The following TM9SF2 variants were observed in gnomAD, a reference collection of about 807,000 sequenced individuals.
The protein encoded by TM9SF2 is 76 kDa membrane protein.
In TM9SF2, 13 loss-of-function variants were observed where a neutral mutation model predicts 84.9. The observed-to-expected ratio is 0.15, with a 90% confidence interval of 0.10 to 0.24. The LOEUF is 0.24. TM9SF2 is among the 10% of genes least tolerant of loss of function. The pLI is 1.00. For missense variants in TM9SF2, 562 were observed against 818.5 expected (o/e 0.69, Z 3.82); for synonymous variants, 273 against 285.8 (o/e 0.96, Z 0.45).
rs924710348 is a variant in TM9SF2, at chr13:99,531,205, G to C, written c.461+1611G>C. Among the ~76,000 whole-genome samples the C allele has an allele frequency of 4.8e-4, 73 of 152,144 alleles. 2 individuals carry two copies. The highest frequency in any genetic ancestry group is 2.9e-5 in the Non-Finnish European group (2 of 68,026). The stretch of plus-strand genomic sequence containing the variant: ...AGACTTTCAAAATCCAACATTTGAA[G>C]TATAACCATTGCTATTCTTCTGAGT... On this transcript the variant is annotated intron_variant, in intron 4 of 16. Transcript: ENST00000376387.
chr13:99,502,543 C>T (rs1374702189), intron 1 of TM9SF2, among the ~76,000 whole-genome samples: 1 of 152,088 alleles, frequency 6.6e-6, no homozygotes, highest in Admixed American at 6.5e-5. Context: ...TGGTGTTTTC[C>T]TAGGGCAAGT....
chr13:99,551,935 G>C (rs572514090), intron 12 of TM9SF2, among the ~76,000 whole-genome samples: 1 of 152,326 alleles, frequency 6.6e-6, no homozygotes, highest in South Asian at 2.1e-4. Context: ...ATGAAAACAT[G>C]TAAGGAACTG....
intron 14 of TM9SF2, 42 bp downstream of exon 14, chr13:99,554,497 A>G (rs748711991): frequency 5.7e-6 from 9 of 1,581,968 alleles, no homozygotes; most frequent in Non-Finnish European, 6.0e-6. Context: ...TTACCATTAT[A>G]TGTAATATTT....
chr13:99,539,332 A>G (rs1009358165), intron 6 of TM9SF2, 114 bp from the exon 7 acceptor site: 1 of 697,082 alleles, frequency 1.4e-6, no homozygotes, highest in African/African-American at 1.8e-5. Flanking sequence ...TGTGACATGA[A>G]TAATTTCACC....
At chr13:99,549,112 T>C (rs766393030) in intron 11 of TM9SF2, 53 bp from the exon 12 acceptor site, 38 of 1,503,256 alleles carry the variant, frequency 2.5e-5, no homozygotes, top group East Asian at 1.4e-4. Context: ...TATGGATATT[T>C]GGTTTGCTTT....
At chr13:99,528,999 T>G (rs2046196137) in intron 3 of TM9SF2, among the ~76,000 whole-genome samples, 2 of 152,182 alleles carry the variant, frequency 1.3e-5, no homozygotes, top group Admixed American at 1.3e-4. Context: ...TGTCACATGC[T>G]CTCTTGTTCA....
chr13:99,547,164 A>G (rs1594059148), intron 11 of TM9SF2, 60 bp downstream of exon 11: 2 of 1,600,704 alleles, frequency 1.2e-6, no homozygotes, highest in East Asian at 2.2e-5. Flanking sequence ...GCGGCTGTGG[A>G]TCTGACCTGG....
chr13:99,517,554 A>T (rs2046139884), intron 1 of TM9SF2, 60 bp from the exon 2 acceptor site: 1 of 1,118,442 alleles, frequency 8.9e-7, no homozygotes, highest in Non-Finnish European at 1.3e-6. Context: ...AATTCTAAGC[A>T]TGACTTAAGG....
intron 1 of TM9SF2, among the ~76,000 whole-genome samples, chr13:99,505,816 A>C (rs966825616): frequency 2.0e-5 from 3 of 152,234 alleles, no homozygotes; most frequent in African/African-American, 7.2e-5. Flanking sequence ...ATTAGTGAGC[A>C]GTTCACCTTT....
In TM9SF2 at chr13:99,563,043, T is replaced by C. The variant is rs1304932120; in HGVS notation, c.*285T>C. On this transcript the variant is annotated 3_prime_UTR_variant, in exon 17 of 17. Coordinates refer to ENST00000376387, the MANE Select transcript of TM9SF2 (RefSeq NM_004800.3). ...ATTTGTAAATACAGTAGCTATAAAATTTTCCATACTTCTAATGGCAGAATA... is the reference window on the plus strand; with the variant it reads ...ATTTGTAAATACAGTAGCTATAAAACTTTCCATACTTCTAATGGCAGAATA... 1 of 253,078 alleles carries C rather than the reference T, an allele frequency of 4.0e-6. No homozygotes were observed. Among genetic ancestry groups the C allele is most frequent in the Non-Finnish European group, 7.5e-6 (1 of 133,868 alleles). The allele number at this position is 253,078 out of a possible 1,614,324, so 15.7% of individuals were successfully genotyped here.
intron 14 of TM9SF2, among the ~76,000 whole-genome samples, chr13:99,555,116 A>G (rs1191049077): frequency 6.6e-6 from 1 of 152,226 alleles, no homozygotes; most frequent in Non-Finnish European, 1.5e-5. Context: ...ACTAAATTTG[A>G]GCTTTTTAAT....
At chr13:99,509,843 C>T (rs2046105688) in intron 1 of TM9SF2, among the ~76,000 whole-genome samples, 1 of 152,176 alleles carries the variant, frequency 6.6e-6, no homozygotes, top group African/African-American at 2.4e-5. Flanking sequence ...TTGAATTTCT[C>T]TCCAGAAAAA....
chr13:99,503,763 G>A (rs1183950086), intron 1 of TM9SF2, among the ~76,000 whole-genome samples: 1 of 148,186 alleles, frequency 6.7e-6, no homozygotes, highest in Non-Finnish European at 1.5e-5. Flanking sequence ...GATGGACTTA[G>A]AAAATGAATA....
intron 3 of TM9SF2, among the ~76,000 whole-genome samples, chr13:99,528,897 G>A (rs2046195747): frequency 6.6e-6 from 1 of 152,084 alleles, no homozygotes; most frequent in Non-Finnish European, 1.5e-5. Flanking sequence ...AATAAAGTTT[G>A]AATTTATTAA....
intron 1 of TM9SF2, among the ~76,000 whole-genome samples, chr13:99,507,091 A>T (rs1441903003): frequency 1.3e-5 from 2 of 152,232 alleles, no homozygotes; most frequent in Admixed American, 6.5e-5. Context: ...TATATGCCTT[A>T]GCTAAATTTC....
intron 10 of TM9SF2, 61 bp from the exon 11 acceptor site, chr13:99,546,924 C>G: frequency 6.3e-7 from 1 of 1,597,188 alleles, no homozygotes; most frequent in Non-Finnish European, 8.6e-7. Context: ...GTTTCTCTAT[C>G]ATTTCACAGC....
intron 4 of TM9SF2, among the ~76,000 whole-genome samples, chr13:99,532,664 G>C (rs12431100): frequency 0.74 from 112,904 of 152,048 alleles, 42,705 homozygotes; most frequent in Middle Eastern, 0.84. Flanking sequence ...CAGTTCTTCA[G>C]TAGCCTCCTG....
At chr13:99,510,213 A>G (rs911438898) in intron 1 of TM9SF2, among the ~76,000 whole-genome samples, 6 of 152,124 alleles carry the variant, frequency 3.9e-5, no homozygotes, top group African/African-American at 1.2e-4. Context: ...ATCACTATCA[A>G]TGTTTTGGTC....
intron 15 of TM9SF2, 97 bp downstream of exon 15, chr13:99,555,744 T>C: frequency 1.4e-6 from 1 of 714,528 alleles, no homozygotes; most frequent in Non-Finnish European, 2.2e-6. Context: ...TCTGTAGATG[T>C]ATGTTTATTA....
Sources: gnomAD v4.1 joint callset for allele counts (sites outside exome capture counted in the v4.1 genomes callset) on GRCh38, gnomAD v4.1.1 for gene constraint, MANE v1.5 for transcripts, NCBI Gene and HGNC (gene_info 2026-07-23, HGNC 2026-07-21) for gene names.